The following PCDH15 variants were observed in gnomAD, a reference collection of about 807,000 sequenced individuals.
The protein encoded by PCDH15 is protocadherin-15.
PCDH15 carries 129 observed loss-of-function variants against 178.5 expected under a neutral mutation model. The ratio of observed to expected loss-of-function variants is 0.72; its 90% CI spans 0.63 to 0.84. PCDH15 has a LOEUF of 0.84. Among genes scored for constraint, PCDH15 ranks in the 40% least tolerant of loss-of-function variants. The pLI, the probability that PCDH15 is intolerant of heterozygous loss-of-function variation, is 0.00. For missense variants in PCDH15, 2,230 were observed against 2,099.9 expected (o/e 1.06, Z -1.21); for synonymous variants, 800 against 732.0 (o/e 1.09, Z -1.50).
intron 5 of PCDH15, among the ~76,000 whole-genome samples, chr10:54,357,717 G>A (rs1255158830): frequency 6.6e-6 from 1 of 152,106 alleles, no homozygotes. Flanking sequence ...TCAATCCTAA[G>A]CCAAAACCAC....
chr10:55,542,484 T>C (rs1841787542), intron 2 of PCDH15, among the ~76,000 whole-genome samples: 1 of 150,872 alleles, frequency 6.6e-6, no homozygotes, highest in Non-Finnish European at 1.5e-5. Context: ...CTTAATTTTG[T>C]GGATCAAAAA....
chr10:54,984,174 C>T (rs1401275326), intron 2 of PCDH15, among the ~76,000 whole-genome samples: 1 of 152,150 alleles, frequency 6.6e-6, no homozygotes, highest in East Asian at 1.9e-4. Context: ...TTTGAAAGGC[C>T]TGAGAAACAA....
chr10:54,296,024 G>A (rs916894058), intron 8 of PCDH15, among the ~76,000 whole-genome samples: 1 of 149,068 alleles, frequency 6.7e-6, no homozygotes, highest in Admixed American at 6.7e-5. Flanking sequence ...GGGCGCCTGT[G>A]GTCCCAGCTA....
At chr10:54,933,765 TTATCAGTGAAAAACTGCTATTATACTG>T (rs1564641678) in intron 2 of PCDH15, among the ~76,000 whole-genome samples, 1 of 152,160 alleles carries the variant, frequency 6.6e-6, no homozygotes, top group Non-Finnish European at 1.5e-5. Flanking sequence ...TGTGCAAACT[TTATCAGTGAAAAACTGCTATTATACTG>T]TGGCACTCTT....
chr10:54,951,472 A>T (rs1168806097), intron 2 of PCDH15, among the ~76,000 whole-genome samples: 1 of 151,926 alleles, frequency 6.6e-6, no homozygotes, highest in Non-Finnish European at 1.5e-5. Context: ...ATAGAAGGAC[A>T]TCTTGATTGC....
intron 17 of PCDH15, among the ~76,000 whole-genome samples, chr10:54,070,281 G>T (rs1294691537): frequency 6.6e-6 from 1 of 151,852 alleles, no homozygotes; most frequent in Non-Finnish European, 1.5e-5. Flanking sequence ...TCTGCTCACT[G>T]CAACCTCCGC....
At chr10:55,391,838 C>T (rs941504627) in intron 2 of PCDH15, among the ~76,000 whole-genome samples, 2 of 152,300 alleles carry the variant, frequency 1.3e-5, no homozygotes, top group Non-Finnish European at 2.9e-5. Flanking sequence ...ATTCACAACC[C>T]GGCTAACTGT....
chr10:54,122,888 A>G lies in PCDH15; in HGVS notation c.1917+9987T>C, dbSNP rs1037642331. On this transcript the variant is annotated intron_variant, in intron 15 of 37. Coordinates refer to ENST00000644397, the MANE Select transcript of PCDH15 (RefSeq NM_001384140.1). ...CAAAACACTGCTAAAAAAAAAAAAA[A>G]GGGAACCCTTGACAAAAATAAGCAC... 9.8e-5 allele frequency among the ~76,000 whole-genome samples: 14 copies of G among 142,414 alleles called. No homozygotes were observed. The East Asian group carries it at 1.7e-3, about 18-fold the overall frequency. The allele number at this position is 142,414 out of a possible 152,430, so 93.4% of individuals were successfully genotyped here. A position where few individuals can be genotyped will look rare whatever the true frequency, so the allele number is the denominator to read the frequency against.
intron 15 of PCDH15, among the ~76,000 whole-genome samples, chr10:54,124,953 G>A (rs1306881868): frequency 7.2e-5 from 11 of 152,206 alleles, no homozygotes; most frequent in Admixed American, 7.2e-4. Flanking sequence ...CAATTCTGTA[G>A]TGAGATCAAG....
chr10:54,205,352 A>AAATGG (rs1564677218), intron 10 of PCDH15, among the ~76,000 whole-genome samples: 1 of 152,128 alleles, frequency 6.6e-6, no homozygotes, highest in Non-Finnish European at 1.5e-5. Context: ...ACTTAGTTGG[A>AAATGG]AACTGAATGG....
At chr10:55,353,018 G>A (rs188416852) in intron 2 of PCDH15, among the ~76,000 whole-genome samples, 29 of 152,200 alleles carry the variant, frequency 1.9e-4, no homozygotes, top group Non-Finnish European at 2.8e-4. Flanking sequence ...AACAACACCC[G>A]ACTGCACATT....
chr10:55,215,674 C>A (rs1374778864), intron 1 of PCDH15, among the ~76,000 whole-genome samples: 1 of 151,982 alleles, frequency 6.6e-6, no homozygotes, highest in Non-Finnish European at 1.5e-5. Context: ...CTAATAAATT[C>A]TTAGCTAGGG....
chr10:54,232,195 T>C (rs778666944), intron 9 of PCDH15, among the ~76,000 whole-genome samples: 2 of 152,164 alleles, frequency 1.3e-5, no homozygotes. Context: ...CCCCTTGCTG[T>C]TCTGGTGACA....
At chr10:55,333,072 TAAAG>T (rs987061956) in intron 2 of PCDH15, among the ~76,000 whole-genome samples, 1 of 152,102 alleles carries the variant, frequency 6.6e-6, no homozygotes, top group Admixed American at 6.6e-5. Flanking sequence ...TTTTAACATA[TAAAG>T]ATAGAGTCAA....
intron 3 of PCDH15, among the ~76,000 whole-genome samples, chr10:54,430,156 AG>A (rs1342554606): frequency 6.7e-6 from 1 of 149,170 alleles, no homozygotes; most frequent in East Asian, 2.0e-4. Flanking sequence ...TCTGGGTTCA[AG>A]TGATTCTCCT....
intron 2 of PCDH15, among the ~76,000 whole-genome samples, chr10:55,458,316 T>A (rs1027555096): frequency 6.6e-6 from 1 of 152,056 alleles, no homozygotes; most frequent in Non-Finnish European, 1.5e-5. Flanking sequence ...GTTCTGCTGA[T>A]GACTCGAATA....
rs114669481 is a variant in PCDH15 at position 54,944,295 on chromosome 10, A to G, written c.-79-46795T>C. ...CTGCATCTGACATTGACAAAAATGTATGTGTTCCTATGTGTCTTGTGGGAT... is the reference window on the plus strand; with the variant it reads ...CTGCATCTGACATTGACAAAAATGTGTGTGTTCCTATGTGTCTTGTGGGAT... On this transcript the variant is annotated intron_variant, in intron 2 of 5. Transcript: ENST00000458638. 9.4e-3 allele frequency among the ~76,000 whole-genome samples: 1,424 copies of G among 152,072 alleles called. 23 individuals carry two copies. The highest frequency in any genetic ancestry group is 0.031 in the African/African-American group (1,286 of 41,532).
intron 15 of PCDH15, among the ~76,000 whole-genome samples, chr10:54,123,903 G>A (rs1564475259): frequency 6.6e-6 from 1 of 152,074 alleles, no homozygotes; most frequent in Non-Finnish European, 1.5e-5. Context: ...CACAGAAATA[G>A]AACAACAAAT....
At chr10:55,563,248 TCC>T (rs1224337730) in intron 2 of PCDH15, among the ~76,000 whole-genome samples, 1 of 151,894 alleles carries the variant, frequency 6.6e-6, no homozygotes, top group East Asian at 1.9e-4. Context: ...TAAGGTGACT[TCC>T]AGGAGATTTA....
Sources: allele counts gnomAD v4.1 joint callset (sites outside exome capture counted in the v4.1 genomes callset), GRCh38; gene constraint gnomAD v4.1.1; transcripts MANE v1.5; gene names NCBI Gene and HGNC (gene_info 2026-07-23, HGNC 2026-07-21).